NCALD: variants seen among roughly 807,000 people sequenced by gnomAD.
The protein encoded by NCALD is neurocalcin-delta.
A neutral mutation model predicts 18.6 loss-of-function variants in NCALD; 10 were observed. The observed-to-expected ratio is 0.54, with a 90% CI of 0.33 to 0.91. The LOEUF (loss-of-function observed/expected upper bound fraction) is 0.91, where lower values mean the gene tolerates loss of function less well. Among genes scored for constraint, NCALD ranks in the 40% least tolerant of loss-of-function variants. The probability of loss-of-function intolerance (pLI) is 0.03; values close to 1 mark genes in which losing one functional copy is unlikely to be tolerated. For missense variants in NCALD, 184 were observed against 247.6 expected, an observed-to-expected ratio of 0.74 and a Z score of 1.72; for synonymous variants, 88 against 87.4, an observed-to-expected ratio of 1.01 and a Z score of -0.04.
intron 4 of NCALD, among the ~76,000 whole-genome samples, chr8:101,869,709 T>C (rs539937494): frequency 6.6e-6 from 1 of 152,286 alleles, no homozygotes; most frequent in Non-Finnish European, 1.5e-5. Flanking sequence ...ACTGTTTTAA[T>C]AGAAGACTTA....
At chr8:101,777,781 A>T (rs538795160) in intron 1 of NCALD, among the ~76,000 whole-genome samples, 1 of 152,352 alleles carries the variant, frequency 6.6e-6, no homozygotes, top group Admixed American at 6.5e-5. Context: ...TGTATGAAAA[A>T]GAATAAATCA....
chr8:101,702,690 T>C (rs1815325129), intron 2 of NCALD, among the ~76,000 whole-genome samples: 1 of 152,206 alleles, frequency 6.6e-6, no homozygotes, highest in African/African-American at 2.4e-5. Flanking sequence ...GGGAAGAACT[T>C]TATGTTCTGT....
intron 1 of NCALD, among the ~76,000 whole-genome samples, chr8:102,021,621 C>T (rs1822276895): frequency 6.6e-6 from 1 of 152,194 alleles, no homozygotes. Flanking sequence ...CTAGCCACGC[C>T]CTGGCACCAG....
intron 2 of NCALD, among the ~76,000 whole-genome samples, chr8:101,948,182 C>A (rs1819251506): frequency 6.6e-6 from 1 of 152,170 alleles, no homozygotes; most frequent in African/African-American, 2.4e-5. Context: ...GAAGACGTTG[C>A]AATAATTTAG....
intron 1 of NCALD, among the ~76,000 whole-genome samples, chr8:102,074,561 A>G (rs75363724): frequency 0.061 from 9,257 of 152,132 alleles, 414 homozygotes; most frequent in Non-Finnish European, 0.092. Context: ...TGTGCCCCAA[A>G]CCCAGACTGA....
chr8:101,960,996 C>T (rs1336827345), intron 2 of NCALD, among the ~76,000 whole-genome samples: 1 of 152,104 alleles, frequency 6.6e-6, no homozygotes, highest in Non-Finnish European at 1.5e-5. Flanking sequence ...TTCATTTTCA[C>T]CATAGCACTC....
intron 4 of NCALD, among the ~76,000 whole-genome samples, chr8:101,848,417 G>C (rs1428557587): frequency 6.6e-6 from 1 of 152,124 alleles, no homozygotes; most frequent in Non-Finnish European, 1.5e-5. Flanking sequence ...CTAAGTTCTA[G>C]GTGAGCTATT....
chr8:101,867,635 C>T (rs1018018893), intron 4 of NCALD, among the ~76,000 whole-genome samples: 7 of 151,958 alleles, frequency 4.6e-5, no homozygotes, highest in Admixed American at 2.6e-4. Context: ...ATTTTTTATC[C>T]GTGAAATTTA....
intron 2 of NCALD, among the ~76,000 whole-genome samples, chr8:101,945,901 T>C (rs1245656268): frequency 2.6e-5 from 4 of 152,194 alleles, no homozygotes; most frequent in South Asian, 2.1e-4. Context: ...AAGTTCTCAA[T>C]GCTCTCCTTT....
intron 4 of NCALD, among the ~76,000 whole-genome samples, chr8:101,875,799 G>C (rs143336689): frequency 6.6e-6 from 1 of 152,188 alleles, no homozygotes; most frequent in Non-Finnish European, 1.5e-5. Flanking sequence ...TAAACAAGCT[G>C]CTCACTGATT....
chr8:102,057,491 T>C (rs1823695275), intron 1 of NCALD, among the ~76,000 whole-genome samples: 1 of 152,244 alleles, frequency 6.6e-6, no homozygotes, highest in African/African-American at 2.4e-5. Context: ...TGTTTGGCTG[T>C]ATTTTATAGT....
At chr8:101,710,881 G>A (rs1364674472) in intron 2 of NCALD, among the ~76,000 whole-genome samples, 3 of 152,220 alleles carry the variant, frequency 2.0e-5, no homozygotes, top group African/African-American at 7.2e-5. Flanking sequence ...TCTGAAGAGA[G>A]CAGCGATCTC....
intron 4 of NCALD, among the ~76,000 whole-genome samples, chr8:101,834,435 C>A (rs1429291203): frequency 6.6e-6 from 1 of 152,210 alleles, no homozygotes; most frequent in Non-Finnish European, 1.5e-5. Context: ...CGTGCCCCTG[C>A]CAGGTGTGGC....
chr8:101,737,430 T>C (rs1013873420), intron 1 of NCALD, among the ~76,000 whole-genome samples: 2 of 152,188 alleles, frequency 1.3e-5, no homozygotes, highest in Non-Finnish European at 2.9e-5. Flanking sequence ...TCAAGTCATG[T>C]CCTTTCTCAA....
intron 4 of NCALD, among the ~76,000 whole-genome samples, chr8:101,813,353 G>C (rs999334379): frequency 1.3e-5 from 2 of 152,054 alleles, no homozygotes; most frequent in African/African-American, 4.8e-5. Flanking sequence ...AATTGAAAAG[G>C]ATACCAGAAT....
chr8:102,082,871 CCTGGCTAAGGCCATTCCTACCAGGGTT>C (rs1233206888), intron 1 of NCALD, among the ~76,000 whole-genome samples: 1 of 152,188 alleles, frequency 6.6e-6, no homozygotes, highest in Admixed American at 6.5e-5. Context: ...CCTCTCAGTC[CCTGGCTAAGGCCATTCCTACCAGGGTT>C]CTGACTCAAA....
At chr8:102,028,258 G>A (rs527329372) in intron 1 of NCALD, among the ~76,000 whole-genome samples, 1 of 152,336 alleles carries the variant, frequency 6.6e-6, no homozygotes, top group East Asian at 1.9e-4. Context: ...TTGAGTCTAT[G>A]TGTATATACA....
intron 2 of NCALD, among the ~76,000 whole-genome samples, chr8:102,005,933 G>A (rs1821690395): frequency 6.6e-6 from 1 of 151,636 alleles, no homozygotes; most frequent in South Asian, 2.1e-4. Context: ...TAATGTAAAT[G>A]ACGAGTTAAT....
intron 1 of NCALD, among the ~76,000 whole-genome samples, chr8:102,077,457 T>G (rs994627606): frequency 3.3e-5 from 5 of 152,010 alleles, no homozygotes; most frequent in African/African-American, 1.2e-4. Flanking sequence ...GTTTCGAAAG[T>G]AAAAGTTAAG....
Sources: allele counts gnomAD v4.1 joint callset (sites outside exome capture counted in the v4.1 genomes callset), GRCh38; gene constraint gnomAD v4.1.1; transcripts MANE v1.5; gene names NCBI Gene and HGNC (gene_info 2026-07-23, HGNC 2026-07-21).